Variants in EPB41L1 observed in about 807,000 individuals in gnomAD.
EPB41L1 encodes band 4.1-like protein 1.
EPB41L1 carries 29 observed loss-of-function variants against 97.8 expected under a neutral mutation model. That is an observed-to-expected ratio of 0.30 (90% CI 0.22 to 0.40). The LOEUF (loss-of-function observed/expected upper bound fraction) is 0.40, where lower values mean the gene tolerates loss of function less well. Ranked by LOEUF, EPB41L1 falls within the 10% of genes least tolerant of loss-of-function variation. The pLI is 1.00. For missense variants in EPB41L1, 812 were observed against 1,162.3 expected, an observed-to-expected ratio of 0.70 and a Z score of 4.38; for synonymous variants, 383 against 459.2, an observed-to-expected ratio of 0.83 and a Z score of 2.12.
intron 1 of EPB41L1, chr20:36,155,512 C>T: frequency 2.3e-6 from 1 of 443,482 alleles, no homozygotes; most frequent in Non-Finnish European, 4.5e-6. Flanking sequence ...CACCTTCACA[C>T]TTGGGGAGGT....
At chr20:36,175,836 C>T in intron 3 of EPB41L1, 121 bp downstream of exon 3, 2 of 1,044,662 alleles carry the variant, frequency 1.9e-6, no homozygotes, top group Non-Finnish European at 2.9e-6. Flanking sequence ...GTCACAGTGT[C>T]CAGAGAGATG....
intron 1 of EPB41L1, among the ~76,000 whole-genome samples, chr20:36,111,913 G>A (rs962403427): frequency 6.6e-6 from 1 of 152,090 alleles, no homozygotes; most frequent in African/African-American, 2.4e-5. Context: ...TATAACCATG[G>A]CACCTGAGGA....
At chr20:36,178,564 T>G (rs1290576244) in intron 4 of EPB41L1, 66 bp from the exon 5 acceptor site, 6 of 1,512,024 alleles carry the variant, frequency 4.0e-6, no homozygotes, top group African/African-American at 2.7e-5. Flanking sequence ...AGGATATTTC[T>G]CTCTCTCAGC....
At chr20:36,202,388 C>T (rs911808967) in intron 14 of EPB41L1, among the ~76,000 whole-genome samples, 4 of 152,206 alleles carry the variant, frequency 2.6e-5, no homozygotes, top group Non-Finnish European at 5.9e-5. Flanking sequence ...TCCAGGCCAG[C>T]CCTTCGGAGA....
chr20:36,149,374 C>T (rs1049868460), intron 2 of EPB41L1, among the ~76,000 whole-genome samples: 2 of 152,232 alleles, frequency 1.3e-5, no homozygotes, highest in East Asian at 1.9e-4. Flanking sequence ...TCATTCCACA[C>T]TAGAATAAGG....
At chr20:36,094,942 T>C (rs6060794) in intron 1 of EPB41L1, among the ~76,000 whole-genome samples, 55,646 of 151,616 alleles carry the variant, frequency 0.37, 13,995 homozygotes, top group African/African-American at 0.72. Context: ...GCTGGGACTA[T>C]AGGAATGAGC....
At chr20:36,110,825 G>C (rs544542223) in intron 1 of EPB41L1, 1 of 152,308 alleles carries the variant, frequency 6.6e-6, no homozygotes, top group Admixed American at 6.5e-5. Context: ...GATTCTCTCT[G>C]TGACCTTGGG....
rs537251894 is a variant in EPB41L1 at position 36,124,468 on chromosome 20, G to T, written c.-10+11988G>T. The stretch of plus-strand genomic sequence containing the variant: ...ATTATTCTATTGGTCATTTCCGTCA[G>T]CCACAGGAGTCTTCTCTGTTCATTT... On this transcript the variant is annotated intron_variant, in intron 2 of 19. Coordinates refer to the EPB41L1 transcript ENST00000202028. Among the ~76,000 whole-genome samples the T allele has an allele frequency of 5.1e-4, 77 of 152,274 alleles. 2 individuals carry two copies. The highest frequency in any genetic ancestry group is 1.7e-3 in the African/African-American group (70 of 41,564).
chr20:36,152,956 T>C (rs902136223), upstream of EPB41L1: 2 of 456,048 alleles, frequency 4.4e-6, no homozygotes, highest in Non-Finnish European at 8.8e-6. Flanking sequence ...TCTTCCCACC[T>C]TCTGTCTGGA....
At chr20:36,108,068 T>A (rs376035679) in intron 1 of EPB41L1, among the ~76,000 whole-genome samples, 2 of 151,992 alleles carry the variant, frequency 1.3e-5, no homozygotes, top group South Asian at 4.1e-4. Context: ...CTGCAACCCT[T>A]GAACTCCTGG....
At chr20:36,182,224 C>T (rs759832640) in intron 5 of EPB41L1, 48 bp from the exon 6 acceptor site, 2 of 1,564,796 alleles carry the variant, frequency 1.3e-6, no homozygotes, top group South Asian at 1.1e-5. Flanking sequence ...TCTGGACCAC[C>T]CAGTGGGGTG....
intron 1 of EPB41L1, among the ~76,000 whole-genome samples, chr20:36,099,685 T>G (rs954435891): frequency 3.3e-5 from 5 of 152,136 alleles, no homozygotes; most frequent in Admixed American, 1.3e-4. Flanking sequence ...GCCGTTGCCC[T>G]TATTAGCCTG....
Position 36,229,425 on chromosome 20 carries a change from G to GC in EPB41L1, c.*86dup. The GC allele has an allele frequency of 7.2e-7, 1 of 1,394,788 alleles. No individual in the cohort carries two copies. Among genetic ancestry groups the GC allele is most frequent in the Non-Finnish European group, 1.0e-6 (1 of 981,184 alleles). The allele number at this position is 1,394,788 out of a possible 1,614,324, so 86.4% of individuals were successfully genotyped here. ...GGGCCTTCATTCTGGATTCTCCGACGCAACACTGACGTCCCAGCTGCGACG... is the reference window on the plus strand; with the variant it reads ...GGGCCTTCATTCTGGATTCTCCGACGCCAACACTGACGTCCCAGCTGCGACG... On this transcript the variant is annotated 3_prime_UTR_variant, in exon 22 of 22. Coordinates refer to ENST00000338074, the MANE Select transcript of EPB41L1 (RefSeq NM_012156.2).
At chr20:36,178,385 A>G (rs1431321064) in intron 4 of EPB41L1, among the ~76,000 whole-genome samples, 1 of 152,058 alleles carries the variant, frequency 6.6e-6, no homozygotes, top group Non-Finnish European at 1.5e-5. Context: ...CAGATGCATC[A>G]CCTGCTCACT....
chr20:36,195,369 T>C lies in EPB41L1; in HGVS notation c.1485+5T>C. 3 of 1,614,004 alleles carry C rather than the reference T, an allele frequency of 1.9e-6. No individual in the cohort carries two copies. The highest frequency in any genetic ancestry group is 2.5e-6 in the Non-Finnish European group (3 of 1,179,966). ...ACGCCGAGACACAAGCAGGAGGTAC[T>C]GCATGGGACCTGTCCCTCCCTACCC... is the stretch of plus-strand genomic sequence containing the variant. On this transcript the variant is annotated splice_donor_5th_base_variant and intron_variant, in intron 13 of 21. Coordinates refer to ENST00000338074, the MANE Select transcript of EPB41L1 (RefSeq NM_012156.2). The surrounding 1 kb of genome is among the most constrained non-coding windows in gnomAD (Gnocchi z 4.6).
At chr20:36,120,164 G>A (rs192947400) in intron 2 of EPB41L1, among the ~76,000 whole-genome samples, 3 of 152,324 alleles carry the variant, frequency 2.0e-5, no homozygotes, top group Admixed American at 6.5e-5. Flanking sequence ...TAAGCCAGGC[G>A]TGGTTATAAG....
At chr20:36,105,827 G>A (rs1432169302) in intron 1 of EPB41L1, among the ~76,000 whole-genome samples, 1 of 152,164 alleles carries the variant, frequency 6.6e-6, no homozygotes, top group African/African-American at 2.4e-5. Flanking sequence ...ACTCTCCTGG[G>A]CTGGTGGGAG....
rs1179443841 is a variant in EPB41L1 at position 36,093,399 on chromosome 20, C to T, written c.-65+1787C>T. Among the ~76,000 whole-genome samples the T allele has an allele frequency of 1.3e-5, 2 of 149,064 alleles. No individual in the cohort carries two copies. Among genetic ancestry groups the T allele is most frequent in the African/African-American group, 5.0e-5 (2 of 40,398 alleles). ...GTGCGCGTGTGAGTGCGGGTGTGCTCCCGCGTAGCCCCCGTGTGCGTGTGC... is the reference window on the plus strand; with the variant it reads ...GTGCGCGTGTGAGTGCGGGTGTGCTTCCGCGTAGCCCCCGTGTGCGTGTGC... On this transcript the variant is annotated intron_variant, in intron 1 of 19. Coordinates refer to the EPB41L1 transcript ENST00000202028. This position sits in a 1 kb window ranked among gnomAD's most constrained non-coding sequence, Gnocchi z 5.4.
chr20:36,195,312 C>T lies in EPB41L1; in HGVS notation c.1450-17C>T. 1.2e-6 allele frequency: 2 copies of T among 1,614,004 alleles called. No homozygotes were observed. The highest frequency in any genetic ancestry group is 1.1e-5 in the South Asian group (1 of 91,076). The stretch of plus-strand genomic sequence containing the variant: ...CTGACCCTGCTGCTTTCTTTCCCTC[C>T]TACCACATCCCACTAGCCGGAGCAG... On this transcript the variant is annotated splice_polypyrimidine_tract_variant and intron_variant, in intron 12 of 21. Transcript: ENST00000338074. The surrounding 1 kb of genome is among the most constrained non-coding windows in gnomAD (Gnocchi z 4.6).
Sources: allele counts gnomAD v4.1 joint callset (sites outside exome capture counted in the v4.1 genomes callset), GRCh38; gene constraint gnomAD v4.1.1; non-coding constraint Gnocchi (gnomAD v3.1); transcripts MANE v1.5; gene names NCBI Gene and HGNC (gene_info 2026-07-23, HGNC 2026-07-21).